The following MARK4 variants were observed in gnomAD, a reference collection of about 807,000 sequenced individuals.
MARK4 encodes microtubule affinity regulating kinase 4.
MARK4 carries 19 observed loss-of-function variants against 81.5 expected under a neutral mutation model. The ratio of observed to expected loss-of-function variants is 0.23; its 90% CI spans 0.16 to 0.34. MARK4 has a LOEUF of 0.34. Ranked by LOEUF, MARK4 falls within the 10% of genes least tolerant of loss-of-function variation. The pLI, the probability that MARK4 is intolerant of heterozygous loss-of-function variation, is 1.00. For missense variants in MARK4, 772 were observed against 1,058.8 expected (o/e 0.73, Z 3.76); for synonymous variants, 436 against 439.0 (o/e 0.99, Z 0.08).
intron 12 of MARK4, among the ~76,000 whole-genome samples, chr19:45,282,402 A>C (rs1970687450): frequency 6.6e-6 from 1 of 151,996 alleles, no homozygotes; most frequent in African/African-American, 2.4e-5. Context: ...TTTAAAGTGC[A>C]CAATTCAGGC....
chr19:45,297,479 TAGG>T, intron 14 of MARK4, among the ~76,000 whole-genome samples, 194 bp from the exon 15 acceptor site: 1 of 152,098 alleles, frequency 6.6e-6, no homozygotes, highest in African/African-American at 2.4e-5. Context: ...GGAGGGGTAA[TAGG>T]AGAGGAGAGA....
intron 1 of MARK4, among the ~76,000 whole-genome samples, chr19:45,256,889 CA>C (rs1970313983): frequency 6.6e-6 from 1 of 152,160 alleles, no homozygotes; most frequent in Non-Finnish European, 1.5e-5. Flanking sequence ...GTAATTCACA[CA>C]GTATTTCAAA....
intron 9 of MARK4, 124 bp from the exon 10 acceptor site, chr19:45,278,392 A>G (rs981247013): frequency 1.5e-5 from 13 of 840,070 alleles, no homozygotes; most frequent in Non-Finnish European, 2.4e-5. Flanking sequence ...AGGAGGCGCT[A>G]TCTCTTAGGA....
Position 45,251,377 on chromosome 19 carries a change from C to T in MARK4, c.-212C>T. 4.2e-6 allele frequency: 1 copy of T among 239,094 alleles called. No homozygotes were observed. Among genetic ancestry groups the T allele is most frequent in the Non-Finnish European group, 8.0e-6 (1 of 124,414 alleles). 14.8% of individuals were successfully genotyped at this position (239,094 alleles called of 1,614,324 possible). On this transcript the variant is annotated 5_prime_UTR_variant, in exon 1 of 17. Coordinates refer to ENST00000262891, the MANE Select transcript of MARK4 (RefSeq NM_001199867.2). ...GCCTGCCCGCCGCCCCCATGGCGCC[C>T]GGGGTCCCCGCTGCACGGGGCCACT... is the stretch of plus-strand genomic sequence containing the variant.
At chr19:45,295,286 A>G (rs940029136) in intron 14 of MARK4, among the ~76,000 whole-genome samples, 2 of 151,830 alleles carry the variant, frequency 1.3e-5, no homozygotes, top group African/African-American at 4.8e-5. Context: ...GTGAACCTGG[A>G]AGGCGGAGTT....
rs1441573307 is a variant in MARK4, at chr19:45,294,355, C to T, written c.1501C>T (p.Leu501Phe). The change falls in exon 14 of 17, where the codon CTC (leucine) becomes TTC (phenylalanine). Residue 501 changes from leucine to phenylalanine, a missense_variant. This residue lies in a region of MARK4 where 548 missense variants were observed against 624.3 expected (regional missense o/e 0.88). Coordinates refer to ENST00000262891, the MANE Select transcript of MARK4 (RefSeq NM_001199867.2). ...CTGGCTGTGTCTCCTGCAGAACAACCTCCCTCCTAGCATGATGACCCGCAG... is the reference window on the plus strand; with the variant it reads ...CTGGCTGTGTCTCCTGCAGAACAACTTCCCTCCTAGCATGATGACCCGCAG... ...RKDSTSTPNN[L>F]PPSMMTRRNT... The T allele has an allele frequency of 6.2e-7, 1 of 1,614,068 alleles. No homozygotes were observed. The highest frequency in any genetic ancestry group is 8.5e-7 in the Non-Finnish European group (1 of 1,179,992).
intron 13 of MARK4, 97 bp from the exon 14 acceptor site, chr19:45,294,252 A>G: frequency 1.7e-6 from 2 of 1,146,250 alleles, no homozygotes; most frequent in Non-Finnish European, 2.6e-6. Flanking sequence ...TGAGCCCCTG[A>G]CTTATTCATC....
intron 10 of MARK4, 96 bp from the exon 11 acceptor site, chr19:45,280,278 G>T: frequency 9.1e-7 from 1 of 1,099,292 alleles, no homozygotes; most frequent in Non-Finnish European, 1.4e-6. Context: ...CTCCAGCCTG[G>T]GTGACAGAGT....
intron 16 of MARK4, among the ~76,000 whole-genome samples, chr19:45,301,602 T>G (rs760519645): frequency 1.5e-5 from 2 of 134,874 alleles, no homozygotes; most frequent in Non-Finnish European, 1.6e-5. Context: ...GGCTCACACC[T>G]GTAATCCCAG....
At position 45,302,369 on chromosome 19, in the gene MARK4, C is replaced by T. The variant is rs745434840; in HGVS notation, c.1923-5C>T. ...TCTCTGACCCCTGACATCTTCTCGC[C>T]TCAGTTGCCATCTACCTTGGGATCA... On this transcript the variant is annotated splice_region_variant and splice_polypyrimidine_tract_variant and intron_variant, in intron 16 of 16. Coordinates refer to ENST00000262891, the MANE Select transcript of MARK4 (RefSeq NM_001199867.2). This position sits in a 1 kb window ranked among gnomAD's most constrained non-coding sequence, Gnocchi z 4.9. 14 of 1,614,116 alleles carry T rather than the reference C, an allele frequency of 8.7e-6. No homozygotes were observed. The Admixed American group carries it at 2.2e-4, about 25-fold the overall frequency.
At chr19:45,285,645 C>T (rs771143613) in intron 12 of MARK4, among the ~76,000 whole-genome samples, 2 of 148,668 alleles carry the variant, frequency 1.3e-5, no homozygotes, top group Non-Finnish European at 2.9e-5. Context: ...ACTTTGGTAT[C>T]ATATGGTTAG....
At chr19:45,279,814 TC>T (rs981927483) in intron 10 of MARK4, among the ~76,000 whole-genome samples, 9 of 152,194 alleles carry the variant, frequency 5.9e-5, no homozygotes, top group African/African-American at 1.9e-4. Flanking sequence ...CAGGCTGCTC[TC>T]CAGGAGGCAA....
chr19:45,280,230 A>G (rs1970653227), intron 10 of MARK4, 144 bp from the exon 11 acceptor site: 1 of 686,666 alleles, frequency 1.5e-6, no homozygotes, highest in Non-Finnish European at 2.6e-6. Context: ...GAGCCTGGGG[A>G]GGCCGAGGCT....
At chr19:45,278,352 C>A (rs1027546624) in intron 9 of MARK4, among the ~76,000 whole-genome samples, 164 bp from the exon 10 acceptor site, 1 of 151,982 alleles carries the variant, frequency 6.6e-6, no homozygotes, top group East Asian at 1.9e-4. Flanking sequence ...CAGGAGGCTC[C>A]GGCAGGGGAC....
At chr19:45,293,521 T>C (rs549415145) in intron 13 of MARK4, among the ~76,000 whole-genome samples, 1 of 152,268 alleles carries the variant, frequency 6.6e-6, no homozygotes, top group Non-Finnish European at 1.5e-5. Flanking sequence ...AACAGTCTTA[T>C]ATTCTTGTTA....
intron 14 of MARK4, among the ~76,000 whole-genome samples, chr19:45,296,197 A>C (rs1251408958): frequency 6.6e-6 from 1 of 152,232 alleles, no homozygotes; most frequent in Non-Finnish European, 1.5e-5. Context: ...TGGAACAGTT[A>C]AATTACAGAC....
Position 45,278,504 on chromosome 19 carries a change from T to G in MARK4, c.907-12T>G, listed in dbSNP as rs1429619205. ...ACCTGTCTTCCCCCTTCCCTGCTCC[T>G]GATGCCTGCAGCAAATCATGAAAGA... On this transcript the variant is annotated splice_polypyrimidine_tract_variant and intron_variant, in intron 9 of 16. Transcript: ENST00000262891. The G allele has an allele frequency of 6.2e-7, 1 of 1,612,716 alleles. No homozygotes were observed. Among genetic ancestry groups the G allele is most frequent in the African/African-American group, 1.3e-5 (1 of 75,010 alleles).
chr19:45,266,503 G>A (rs1386851592), intron 7 of MARK4, among the ~76,000 whole-genome samples: 3 of 152,226 alleles, frequency 2.0e-5, no homozygotes, highest in Admixed American at 1.3e-4. Flanking sequence ...GAGGGGACAG[G>A]AGGAGTGAAC....
intron 12 of MARK4, among the ~76,000 whole-genome samples, chr19:45,282,874 C>T (rs1237650413): frequency 6.6e-6 from 1 of 151,790 alleles, no homozygotes; most frequent in Admixed American, 6.6e-5. Context: ...CGCCTGTGGT[C>T]CCAGCTACTT....
Sources: gnomAD v4.1 joint callset for allele counts (sites outside exome capture counted in the v4.1 genomes callset) on GRCh38, gnomAD v4.1.1 for gene constraint, gnomAD v4.1.1 regional missense constraint, Gnocchi (gnomAD v3.1) non-coding constraint, MANE v1.5 for transcripts, NCBI Gene and HGNC (gene_info 2026-07-23, HGNC 2026-07-21) for gene names.